Variants in CSMD3 observed in about 807,000 individuals in gnomAD.
The protein encoded by CSMD3 is CUB and sushi domain-containing protein 3.
Under a neutral mutation model 435.2 loss-of-function variants are expected in CSMD3, and 177 were observed. That is an observed-to-expected ratio of 0.41 (90% CI 0.36 to 0.46). CSMD3 has a LOEUF of 0.46. CSMD3 is among the 20% of genes least tolerant of loss of function. The probability of loss-of-function intolerance (pLI) is 0.34; values close to 1 mark genes in which losing one functional copy is unlikely to be tolerated. For missense variants in CSMD3, 4,265 were observed against 4,504.6 expected (o/e 0.95, Z 1.52); for synonymous variants, 1,656 against 1,520.5 (o/e 1.09, Z -2.07).
At chr8:113,249,009 T>A (rs79111253) in intron 3 of CSMD3, among the ~76,000 whole-genome samples, 10,009 of 152,068 alleles carry the variant, frequency 0.066, 455 homozygotes, top group Non-Finnish European at 0.094. Flanking sequence ...TCCCCACGTG[T>A]CAAGGGTAGG....
At chr8:112,862,729 T>C (rs1023384308) in intron 10 of CSMD3, among the ~76,000 whole-genome samples, 3 of 152,112 alleles carry the variant, frequency 2.0e-5, no homozygotes, top group African/African-American at 7.2e-5. Flanking sequence ...TTGTGCTTTA[T>C]ACTTGTGTTA....
At chr8:112,323,374 C>T (rs1026299157) in intron 45 of CSMD3, among the ~76,000 whole-genome samples, 1 of 151,934 alleles carries the variant, frequency 6.6e-6, no homozygotes, top group Non-Finnish European at 1.5e-5. Flanking sequence ...CATTTAATTC[C>T]CGCTGTACTG....
chr8:112,919,432 CA>C (rs2082669983), intron 10 of CSMD3, among the ~76,000 whole-genome samples: 1 of 151,782 alleles, frequency 6.6e-6, no homozygotes, highest in Non-Finnish European at 1.5e-5. Context: ...TCTTTTTAAT[CA>C]AAATGAGAGT....
Position 113,185,178 on chromosome 8 carries a change from T to A in CSMD3, c.515-11262A>T, listed in dbSNP as rs548363351. Among the ~76,000 whole-genome samples the A allele has an allele frequency of 2.0e-5, 3 of 152,188 alleles. No individual in the cohort carries two copies. The East Asian group carries it at 5.8e-4, about 30-fold the overall frequency. On this transcript the variant is annotated intron_variant, in intron 3 of 70. Transcript: ENST00000297405. ...ATTGTAAAGGCACAACCCACCCCCATCAGGCACTTAAGAATTATGGCAGAA... is the reference window on the plus strand; with the variant it reads ...ATTGTAAAGGCACAACCCACCCCCAACAGGCACTTAAGAATTATGGCAGAA...
intron 24 of CSMD3, among the ~76,000 whole-genome samples, chr8:112,562,049 G>A (rs1053603430): frequency 6.6e-6 from 1 of 151,516 alleles, no homozygotes; most frequent in Non-Finnish European, 1.5e-5. Flanking sequence ...TTTTGCACAT[G>A]TACACGTGTT....
chr8:113,061,560 T>A (rs2088612492), intron 5 of CSMD3, among the ~76,000 whole-genome samples: 1 of 152,118 alleles, frequency 6.6e-6, no homozygotes, highest in Non-Finnish European at 1.5e-5. Context: ...AAGGTATACA[T>A]GGAATTCACT....
At chr8:112,894,670 C>T (rs181091624) in intron 10 of CSMD3, among the ~76,000 whole-genome samples, 109 of 151,042 alleles carry the variant, frequency 7.2e-4, no homozygotes, top group Non-Finnish European at 1.3e-3. Context: ...TAATCAAATA[C>T]GCAACCTTCT....
chr8:113,374,730 G>C (rs771868856), intron 1 of CSMD3, among the ~76,000 whole-genome samples: 10 of 145,706 alleles, frequency 6.9e-5, no homozygotes, highest in African/African-American at 2.1e-4. Context: ...AACAGTTGTC[G>C]CTTTAATTAT....
intron 4 of CSMD3, among the ~76,000 whole-genome samples, chr8:113,114,831 C>T (rs1388864638): frequency 6.6e-6 from 1 of 152,102 alleles, no homozygotes; most frequent in Non-Finnish European, 1.5e-5. Flanking sequence ...AAATCATACC[C>T]TAATCATCCT....
intron 4 of CSMD3, among the ~76,000 whole-genome samples, chr8:113,119,315 C>A (rs909030293): frequency 1.3e-5 from 2 of 152,082 alleles, no homozygotes; most frequent in African/African-American, 2.4e-5. Context: ...TTAATTCTAA[C>A]AATAGCTCTA....
At chr8:112,339,837 A>T (rs1170909674) in intron 42 of CSMD3, among the ~76,000 whole-genome samples, 1 of 152,218 alleles carries the variant, frequency 6.6e-6, no homozygotes, top group Non-Finnish European at 1.5e-5. Context: ...TTAGTTACAT[A>T]AATGTAGCAC....
At chr8:112,488,538 C>T (rs948695660) in intron 31 of CSMD3, among the ~76,000 whole-genome samples, 6 of 152,158 alleles carry the variant, frequency 3.9e-5, no homozygotes, top group Admixed American at 2.6e-4. Context: ...TAACTTCCTA[C>T]GTATGCACTC....
At chr8:113,084,560 C>A (rs536720894) in intron 5 of CSMD3, among the ~76,000 whole-genome samples, 25 of 134,960 alleles carry the variant, frequency 1.9e-4, no homozygotes, top group Admixed American at 1.7e-3. Context: ...GAATCTCTAT[C>A]AAAATACCAA....
chr8:113,141,369 A>C (rs1027582244), intron 4 of CSMD3, among the ~76,000 whole-genome samples: 1 of 150,808 alleles, frequency 6.6e-6, no homozygotes, highest in African/African-American at 2.4e-5. Context: ...AACTATGCCA[A>C]AAAAGAAGAA....
At chr8:112,508,227 T>G (rs568486999) in intron 28 of CSMD3, among the ~76,000 whole-genome samples, 8 of 152,282 alleles carry the variant, frequency 5.3e-5, no homozygotes, top group African/African-American at 1.7e-4. Context: ...TAAAACAAAC[T>G]TCCCTATGAC....
chr8:113,303,870 A>C (rs1164305445), intron 2 of CSMD3, among the ~76,000 whole-genome samples: 4 of 139,408 alleles, frequency 2.9e-5, no homozygotes, highest in Admixed American at 8.1e-5. Context: ...TTCATGTCCA[A>C]AACACCAAAA....
intron 45 of CSMD3, among the ~76,000 whole-genome samples, chr8:112,327,410 G>T (rs959033592): frequency 6.6e-6 from 1 of 152,144 alleles, no homozygotes. Flanking sequence ...TAAGTGAAAT[G>T]AGGTGGACAA....
At chr8:112,928,210 A>G (rs147520844) in intron 9 of CSMD3, among the ~76,000 whole-genome samples, 196 of 152,308 alleles carry the variant, frequency 1.3e-3, no homozygotes, top group Non-Finnish European at 2.4e-3. Flanking sequence ...CAAAAGAAAT[A>G]CATTGTTCAG....
intron 3 of CSMD3, among the ~76,000 whole-genome samples, chr8:113,221,745 T>C (rs550596762): frequency 5.3e-5 from 8 of 151,398 alleles, no homozygotes; most frequent in African/African-American, 1.7e-4. Flanking sequence ...TACTAAAAGA[T>C]TGTCTTATCA....
Sources: allele counts gnomAD v4.1 joint callset (sites outside exome capture counted in the v4.1 genomes callset), GRCh38; gene constraint gnomAD v4.1.1; transcripts MANE v1.5; gene names NCBI Gene and HGNC (gene_info 2026-07-23, HGNC 2026-07-21).